FLAD1: variants seen among roughly 807,000 people sequenced by gnomAD.
FLAD1 encodes the protein flavin adenine dinucleotide synthetase 1.
FLAD1 carries 35 observed loss-of-function variants against 55.0 expected under a neutral mutation model. That is an observed-to-expected ratio of 0.64 (90% CI 0.49 to 0.84). The LOEUF (loss-of-function observed/expected upper bound fraction) is 0.84. Ranked by LOEUF, FLAD1 falls within the 40% of genes least tolerant of loss-of-function variation. The pLI, the probability that FLAD1 is intolerant of heterozygous loss-of-function variation, is 0.00. For missense variants in FLAD1, 665 were observed against 742.6 expected (o/e 0.90, Z 1.21); for synonymous variants, 267 against 303.0 (o/e 0.88, Z 1.23).
Position 154,983,572 on chromosome 1 carries a change from A to G in FLAD1, c.-123A>G. Reference sequence around the variant, plus strand: ...AAGGTAGACATTTAAAGGGGTACGGATGCCCAAGGTAGAGCAGACACTTGA... The same window carrying G: ...AAGGTAGACATTTAAAGGGGTACGGGTGCCCAAGGTAGAGCAGACACTTGA... On this transcript the variant is annotated 5_prime_UTR_variant, in exon 1 of 7. It removes an upstream start codon present in the reference 5' UTR. Coordinates refer to ENST00000292180, the MANE Select transcript of FLAD1 (RefSeq NM_025207.5). 1 of 1,016,652 alleles carries G rather than the reference A, an allele frequency of 9.8e-7. No homozygotes were observed. The highest frequency in any genetic ancestry group is 2.3e-5 in the Admixed American group (1 of 43,372). The allele number at this position is 1,016,652 out of a possible 1,614,324, so 63.0% of individuals were successfully genotyped here. A position where few individuals can be genotyped will look rare whatever the true frequency, so the allele number is the denominator to read the frequency against.
At chr1:154,985,240 T>A (rs1039381030) in intron 1 of FLAD1, among the ~76,000 whole-genome samples, 1 of 146,994 alleles carries the variant, frequency 6.8e-6, no homozygotes, top group Non-Finnish European at 1.5e-5. Flanking sequence ...TTTTTTTTGT[T>A]TTTTTTTTTT....
At chr1:154,986,188 G>T (rs1024151490) in intron 1 of FLAD1, among the ~76,000 whole-genome samples, 1 of 152,068 alleles carries the variant, frequency 6.6e-6, no homozygotes, top group Non-Finnish European at 1.5e-5. Flanking sequence ...ACAGGCACCC[G>T]CCACCACGCC....
chr1:154,989,594 A>G lies in FLAD1; in HGVS notation c.1152A>G (p.Leu384=), dbSNP rs141161249. Residue 384 remains leucine, a synonymous_variant, in exon 3 of 7, where the codon CTA becomes CTG. Coordinates refer to ENST00000292180, the MANE Select transcript of FLAD1 (RefSeq NM_025207.5). The part of the protein sequence containing the change: ...SSLGKKVAGA[L]QTIETSLAQY... ...TGGGGAAAAAGGTGGCAGGTGCCCT[A>G]CAGACCATTGAGACCTCCCTGGCTC... 1 of 1,600,246 alleles carries G rather than the reference A, an allele frequency of 6.2e-7. No homozygotes were observed. Among genetic ancestry groups the G allele is most frequent in the Admixed American group, 1.7e-5 (1 of 58,390 alleles).
At chr1:154,987,818 G>A (rs1223515379) in intron 1 of FLAD1, 8 of 717,426 alleles carry the variant, frequency 1.1e-5, no homozygotes, top group East Asian at 2.9e-5. Context: ...CGCGCCTGTA[G>A]TCCCAGCTAC....
chr1:154,985,050 T>A (rs1311010563), intron 1 of FLAD1, among the ~76,000 whole-genome samples: 4 of 141,642 alleles, frequency 2.8e-5, no homozygotes, highest in African/African-American at 1.1e-4. Context: ...TTTTTTTTTT[T>A]TTTTTTTTTT....
In FLAD1 at chr1:154,990,373, A is replaced by G; in HGVS notation, c.1399A>G (p.Met467Val). The change falls in exon 5 of 7, where the codon ATG becomes GTG. Residue 467 changes from methionine (M) to valine (V), a missense_variant. Coordinates refer to ENST00000292180, the MANE Select transcript of FLAD1 (RefSeq NM_025207.5). ...GCAGATGTTGGAAGCTGAGGGCAGC[A>G]TGAAGCAGGCCCTGGGTGAACTGCA... is the stretch of plus-strand genomic sequence containing the variant. Reference protein sequence around the residue: ...NLQMLEAEGSMKQALGELQAR... With the variant: ...NLQMLEAEGSVKQALGELQAR... 1 of 1,614,066 alleles carries G rather than the reference A, an allele frequency of 6.2e-7. No homozygotes were observed. The highest frequency in any genetic ancestry group is 8.5e-7 in the Non-Finnish European group (1 of 1,179,970).
In FLAD1 at chr1:154,983,838, C is replaced by A; in HGVS notation, c.144C>A (p.Leu48=). Reference sequence around the variant, plus strand: ...TCCCCCATTGTCTTTTCTGGCTTCTCCAGGTTCCCTCGACCCAGGACCCCC... The same window carrying A: ...TCCCCCATTGTCTTTTCTGGCTTCTACAGGTTCCCTCGACCCAGGACCCCC... ...PALPHCLFWL[L]QVPSTQDPLF... Residue 48 remains leucine, a synonymous_variant, in exon 1 of 7, where the codon CTC becomes CTA. Transcript: ENST00000292180. The A allele has an allele frequency of 6.2e-7, 1 of 1,614,208 alleles. No homozygotes were observed. Among genetic ancestry groups the A allele is most frequent in the Non-Finnish European group, 8.5e-7 (1 of 1,180,034 alleles).
chr1:154,991,986 T>C (rs1406046275), intron 5 of FLAD1, among the ~76,000 whole-genome samples: 3 of 149,056 alleles, frequency 2.0e-5, no homozygotes, highest in African/African-American at 7.5e-5. Context: ...ACTAAAAAAA[T>C]ACAAAAATTA....
rs762598897 is a variant in FLAD1, at chr1:154,992,577, C to T, written c.1555-136C>T. On this transcript the variant is annotated intron_variant, in intron 5 of 6. Transcript: ENST00000292180. ...TTTGCATACATAGAGCAAGCTATAC[C>T]AGAGAATCAGATAGCAAGCCCTCCC... The T allele has an allele frequency of 2.0e-5, 32 of 1,613,706 alleles. No individual in the cohort carries two copies. In the South Asian group the frequency reaches 3.1e-4, roughly 16 times the overall value.
At chr1:154,989,154 C>T in intron 2 of FLAD1, 2 of 631,774 alleles carry the variant, frequency 3.2e-6, no homozygotes, top group Non-Finnish European at 5.3e-6. Context: ...GAGTGATCTC[C>T]CACAGCAGGG....
chr1:154,992,453 T>TA, intron 5 of FLAD1: 1 of 955,432 alleles, frequency 1.0e-6, no homozygotes. Flanking sequence ...AAAAAAAAAA[T>TA]AGACGGTTTC....
chr1:154,993,066 A>G lies in FLAD1; in HGVS notation c.*29A>G, dbSNP rs1228664117. On this transcript the variant is annotated 3_prime_UTR_variant, in exon 7 of 7. Coordinates refer to ENST00000292180, the MANE Select transcript of FLAD1 (RefSeq NM_025207.5). ...CCCACCCTAGGAGGGAGGGAAGGACACCGTCCTAGGGTATAACCTGGCAAT... is the reference window on the plus strand; with the variant it reads ...CCCACCCTAGGAGGGAGGGAAGGACGCCGTCCTAGGGTATAACCTGGCAAT... 1.2e-6 allele frequency: 2 copies of G among 1,601,370 alleles called. No homozygotes were observed. The highest frequency in any genetic ancestry group is 1.7e-6 in the Non-Finnish European group (2 of 1,168,898).
rs1426444729 is a variant in FLAD1, at chr1:154,988,848, A to G, written c.1116A>G (p.Ser372=). ...AGGCTGTATACAAACTCGCTGAATC[A>G]GGTAGGGACCTTATGGAGGAGGGGC... ...ASEAVYKLAE[S]GSSLGKKVAG... Residue 372 remains serine, a splice_region_variant and synonymous_variant, in exon 2 of 7, where the codon TCA becomes TCG. Transcript: ENST00000292180. The G allele has an allele frequency of 1.2e-6, 2 of 1,614,186 alleles. No individual in the cohort carries two copies. Among genetic ancestry groups the G allele is most frequent in the South Asian group, 1.1e-5 (1 of 91,092 alleles).
At chr1:154,985,045 T>C (rs955903871) in intron 1 of FLAD1, among the ~76,000 whole-genome samples, 4 of 138,934 alleles carry the variant, frequency 2.9e-5, no homozygotes, top group Non-Finnish European at 6.2e-5. Context: ...TTTTTTTTTT[T>C]TTTTTTTTTT....
At position 154,983,851 on chromosome 1, in the gene FLAD1, A is replaced by C; in HGVS notation, c.157A>C (p.Thr53Pro). ...TTTCTGGCTTCTCCAGGTTCCCTCG[A>C]CCCAGGACCCCCTGTTCCCAGGCTA... ...CLFWLLQVPS[T>P]QDPLFPGYGP... The change falls in exon 1 of 7, where the codon ACC becomes CCC. Residue 53 changes from threonine (T) to proline (P), a missense_variant. Thr to Pro is a conservative substitution (Grantham distance 38). Coordinates refer to ENST00000292180, the MANE Select transcript of FLAD1 (RefSeq NM_025207.5). 6 of 1,614,072 alleles carry C rather than the reference A, an allele frequency of 3.7e-6. No individual in the cohort carries two copies. The highest frequency in any genetic ancestry group is 5.1e-6 in the Non-Finnish European group (6 of 1,179,994).
chr1:154,989,002 T>C (rs1212016968), intron 2 of FLAD1, 153 bp downstream of exon 2: 1 of 1,473,258 alleles, frequency 6.8e-7, no homozygotes, highest in Non-Finnish European at 9.0e-7. Flanking sequence ...TAAATGTTGA[T>C]TGAGTACCTA....
chr1:154,992,952 A>G lies in FLAD1; in HGVS notation c.1679A>G (p.Lys560Arg). Residue 560 changes from lysine (K) to arginine (R), a missense_variant, in exon 7 of 7, where the codon AAG (lysine) becomes AGG (arginine). Lys to Arg is a conservative substitution (Grantham distance 26). Transcript: ENST00000292180. ...RENTVRNPALKCLSPGGHPTY... is the reference protein window; with the variant it reads ...RENTVRNPALRCLSPGGHPTY... ...AATACCGTGCGGAACCCGGCCCTGA[A>G]GTGCCTGAGCCCAGGAGGACACCCC... 6.2e-7 allele frequency: 1 copy of G among 1,614,076 alleles called. No homozygotes were observed. The highest frequency in any genetic ancestry group is 8.5e-7 in the Non-Finnish European group (1 of 1,179,994).
intron 1 of FLAD1, 130 bp from the exon 2 acceptor site, chr1:154,987,975 C>T (rs1004152015): frequency 9.0e-6 from 14 of 1,561,870 alleles, no homozygotes; most frequent in Non-Finnish European, 9.5e-6. Context: ...GTCCAGGCCC[C>T]TCAGCAGCCT....
rs543656975 is a variant in FLAD1, at chr1:154,991,565, A to C, written c.1554+1037A>C. Among the ~76,000 whole-genome samples the C allele has an allele frequency of 2.5e-4, 38 of 152,236 alleles. No homozygotes were observed. In the Middle Eastern group the frequency reaches 0.01, roughly 41 times the overall value. ...GTGAGACTCCGTCCAAACAAACAAA[A>C]AAAAAATACAGTTATTCAGTTGTAC... On this transcript the variant is annotated intron_variant, in intron 5 of 6. Coordinates refer to ENST00000292180, the MANE Select transcript of FLAD1 (RefSeq NM_025207.5).
Sources: allele counts gnomAD v4.1 joint callset (sites outside exome capture counted in the v4.1 genomes callset), GRCh38; gene constraint gnomAD v4.1.1; transcripts MANE v1.5; gene names NCBI Gene and HGNC (gene_info 2026-07-23, HGNC 2026-07-21).